VAC14: variants seen among roughly 807,000 people sequenced by gnomAD.
VAC14 encodes the protein VAC14 component of PIKFYVE complex.
In VAC14, 47 loss-of-function variants were observed where a neutral mutation model predicts 85.3. The ratio of observed to expected loss-of-function variants is 0.55; its 90% CI spans 0.44 to 0.70. The LOEUF (loss-of-function observed/expected upper bound fraction) is 0.70, where lower values mean the gene tolerates loss of function less well. Ranked by LOEUF, VAC14 falls within the 30% of genes least tolerant of loss-of-function variation. VAC14 has a pLI of 0.00. For missense variants in VAC14, 861 were observed against 1,004.3 expected (o/e 0.86, Z 1.93); for synonymous variants, 447 against 430.5 (o/e 1.04, Z -0.47).
intron 12 of VAC14, among the ~76,000 whole-genome samples, chr16:70,758,643 T>A (rs976578206): frequency 2.0e-5 from 3 of 152,154 alleles, no homozygotes; most frequent in African/African-American, 7.2e-5. Flanking sequence ...TCAGGCAGCA[T>A]GGCGGCTGCC....
chr16:70,696,836 G>T, intron 16 of VAC14: 1 of 330,412 alleles, frequency 3.0e-6, no homozygotes, highest in Admixed American at 4.2e-5. Flanking sequence ...CCAGCAAGAT[G>T]GTCCAGCATC....
chr16:70,786,264 C>T lies in VAC14; in HGVS notation c.206G>A (p.Arg69Gln), dbSNP rs1385730152. Residue 69 changes from arginine (R) to glutamine (Q), a missense_variant, in exon 2 of 19, where the codon CGG becomes CAG. Physicochemically the swap from Arg to Gln is conservative, Grantham distance 43. Around this residue, in one of 3 missense-constraint regions of VAC14, gnomAD observed 629 missense variants for 703.1 expected, o/e 0.89. Coordinates refer to ENST00000261776, the MANE Select transcript of VAC14 (RefSeq NM_018052.5). ...EFALSQHPHS[R>Q]KGGLIGLAAC... ...GGCCAGGCCGATGAGGCCCCCTTTCCGGCTGTGGGGGTGCTGAGACAGGGC... is the reference window on the plus strand; with the variant it reads ...GGCCAGGCCGATGAGGCCCCCTTTCTGGCTGTGGGGGTGCTGAGACAGGGC... The T allele has an allele frequency of 4.3e-6, 7 of 1,614,118 alleles. No homozygotes were observed. Among genetic ancestry groups the T allele is most frequent in the Middle Eastern group, 1.6e-4 (1 of 6,084 alleles).
At chr16:70,729,300 G>A (rs1415005641) in intron 14 of VAC14, among the ~76,000 whole-genome samples, 2 of 152,218 alleles carry the variant, frequency 1.3e-5, no homozygotes, top group Non-Finnish European at 2.9e-5. Context: ...AAGCAAGAGG[G>A]TGGTGACAGC....
chr16:70,752,913 C>A (rs1230728975), intron 12 of VAC14, among the ~76,000 whole-genome samples: 1 of 151,998 alleles, frequency 6.6e-6, no homozygotes, highest in South Asian at 2.1e-4. Context: ...TAACAGGCCA[C>A]GATGGAGAGG....
chr16:70,705,463 A>T (rs1356558043), intron 14 of VAC14, among the ~76,000 whole-genome samples: 1 of 152,208 alleles, frequency 6.6e-6, no homozygotes, highest in African/African-American at 2.4e-5. Flanking sequence ...CATCAGATGA[A>T]CTCAAGAGAA....
intron 7 of VAC14, among the ~76,000 whole-genome samples, chr16:70,782,261 C>T (rs941913574): frequency 6.6e-6 from 1 of 152,254 alleles, no homozygotes; most frequent in Non-Finnish European, 1.5e-5. Flanking sequence ...TCTGCTCCTC[C>T]TCTCATCAAG....
At chr16:70,700,679 C>T (rs145261105) in intron 14 of VAC14, among the ~76,000 whole-genome samples, 14 of 152,314 alleles carry the variant, frequency 9.2e-5, no homozygotes, top group Non-Finnish European at 1.8e-4. Context: ...GGCCCTGCTG[C>T]AGAGCCCAGA....
At chr16:70,737,057 C>CTGCAG (rs1291261876) in intron 13 of VAC14, among the ~76,000 whole-genome samples, 2 of 152,208 alleles carry the variant, frequency 1.3e-5, no homozygotes, top group African/African-American at 4.8e-5. Context: ...TGAGGCAGGG[C>CTGCAG]TGCAGGCTCA....
At chr16:70,732,879 C>T (rs1264114314) in intron 13 of VAC14, among the ~76,000 whole-genome samples, 1 of 152,052 alleles carries the variant, frequency 6.6e-6, no homozygotes, top group Non-Finnish European at 1.5e-5. Context: ...GAACTCCTGA[C>T]CTCAGGTGAT....
chr16:70,781,505 A>G, intron 8 of VAC14, among the ~76,000 whole-genome samples: 1 of 152,124 alleles, frequency 6.6e-6, no homozygotes, highest in East Asian at 1.9e-4. Context: ...TCTCCTTGTC[A>G]TACTGGTGCC....
chr16:70,749,860 G>A (rs1337046704), intron 12 of VAC14, among the ~76,000 whole-genome samples: 1 of 152,230 alleles, frequency 6.6e-6, no homozygotes, highest in Non-Finnish European at 1.5e-5. Flanking sequence ...CCTTGGCCAG[G>A]ACTCTGCCTC....
At chr16:70,759,994 G>C (rs975375589) in intron 12 of VAC14, among the ~76,000 whole-genome samples, 106 of 152,302 alleles carry the variant, frequency 7.0e-4, no homozygotes, top group Non-Finnish European at 6.3e-4. Context: ...TCCCCGCAGA[G>C]AACCGTCGTG....
intron 15 of VAC14, 66 bp from the exon 16 acceptor site, chr16:70,697,323 G>T: frequency 7.2e-7 from 1 of 1,381,004 alleles, no homozygotes; most frequent in Non-Finnish European, 1.0e-6. Flanking sequence ...GTCCACGTGG[G>T]GACCTGAGGG....
intron 12 of VAC14, among the ~76,000 whole-genome samples, chr16:70,750,640 G>A (rs1032535012): frequency 6.6e-6 from 1 of 152,136 alleles, no homozygotes; most frequent in Non-Finnish European, 1.5e-5. Flanking sequence ...CACCAGCAAA[G>A]GGCATATTTC....
intron 18 of VAC14, chr16:70,688,927 A>C (rs1325744780): frequency 6.1e-6 from 6 of 985,468 alleles, no homozygotes; most frequent in Non-Finnish European, 7.2e-6. Context: ...GAGCAGATCC[A>C]TGTGGGCTAG....
intron 4 of VAC14, among the ~76,000 whole-genome samples, chr16:70,784,483 T>C (rs1339661216): frequency 1.3e-5 from 2 of 152,072 alleles, no homozygotes; most frequent in Non-Finnish European, 2.9e-5. Flanking sequence ...CTGGATGGAA[T>C]GCCCAGGCCC....
chr16:70,794,098 C>T (rs1332570704), intron 1 of VAC14, among the ~76,000 whole-genome samples: 2 of 152,150 alleles, frequency 1.3e-5, no homozygotes, highest in Non-Finnish European at 2.9e-5. Context: ...AAGTGCTTCC[C>T]TCAGACTGTA....
chr16:70,772,856 T>G (rs928526878), intron 9 of VAC14: 1 of 152,106 alleles, frequency 6.6e-6, no homozygotes. Flanking sequence ...AATGGATAAA[T>G]GAGGTGTGGT....
chr16:70,761,130 TG>T, intron 12 of VAC14: 2 of 454,474 alleles, frequency 4.4e-6, no homozygotes, highest in South Asian at 3.1e-5. Flanking sequence ...GGTTGATACC[TG>T]CCTGTCCATT....
Sources: gnomAD v4.1 joint callset for allele counts (sites outside exome capture counted in the v4.1 genomes callset) on GRCh38, gnomAD v4.1.1 for gene constraint, gnomAD v4.1.1 regional missense constraint, MANE v1.5 for transcripts, NCBI Gene and HGNC (gene_info 2026-07-23, HGNC 2026-07-21) for gene names.